SLC35F4: variants seen among roughly 807,000 people sequenced by gnomAD.
SLC35F4 encodes the protein solute carrier family 35 member F4.
Under a neutral mutation model 44.2 loss-of-function variants are expected in SLC35F4, and 24 were observed. The observed-to-expected ratio is 0.54, with a 90% CI of 0.39 to 0.76. SLC35F4 has a LOEUF of 0.76. Among genes scored for constraint, SLC35F4 ranks in the 30% least tolerant of loss-of-function variants. The probability of loss-of-function intolerance (pLI) is 0.00; values close to 1 mark genes in which losing one functional copy is unlikely to be tolerated. For synonymous variants in SLC35F4, 238 were observed against 223.6 expected (o/e 1.06, Z -0.57); for missense variants, 562 against 586.1 (o/e 0.96, Z 0.42).
intron 1 of SLC35F4, among the ~76,000 whole-genome samples, chr14:57,749,786 T>C (rs990154943): frequency 6.6e-6 from 1 of 152,132 alleles, no homozygotes; most frequent in African/African-American, 2.4e-5. Context: ...AATTATTTCA[T>C]AGAGAGTGGG....
chr14:57,868,821 C>A (rs1315965211), upstream of SLC35F4, among the ~76,000 whole-genome samples: 4 of 152,132 alleles, frequency 2.6e-5, no homozygotes, highest in African/African-American at 4.8e-5. Context: ...TACCAGTTTT[C>A]ACAAACCCAA....
At chr14:57,971,049 A>G (rs932996547) in intron 1 of SLC35F4, among the ~76,000 whole-genome samples, 2 of 152,212 alleles carry the variant, frequency 1.3e-5, no homozygotes, top group Non-Finnish European at 2.9e-5. Context: ...TGAGTTGCCA[A>G]ATTAATGGGT....
intron 1 of SLC35F4, among the ~76,000 whole-genome samples, chr14:57,761,210 A>G (rs1187587130): frequency 1.3e-5 from 2 of 152,126 alleles, no homozygotes; most frequent in Non-Finnish European, 2.9e-5. Context: ...ATTTTATCCA[A>G]TTTTTAATTG....
chr14:57,786,680 T>C (rs763616762), intron 1 of SLC35F4, among the ~76,000 whole-genome samples: 2 of 152,018 alleles, frequency 1.3e-5, no homozygotes, highest in Non-Finnish European at 2.9e-5. Context: ...ATCACTGCAG[T>C]TCAGCTCACA....
chr14:57,612,440 G>A (rs1036137018), intron 1 of SLC35F4, among the ~76,000 whole-genome samples: 24 of 152,172 alleles, frequency 1.6e-4, no homozygotes, highest in Admixed American at 1.3e-3. Flanking sequence ...CAAGCTTCAA[G>A]TCTCAGTTCA....
In SLC35F4 at chr14:57,846,833, T is replaced by C. The variant is rs1049501680; in HGVS notation, c.103+18890A>G. ...GTTTCAGAGAGTTAGTGAGAGTACA[T>C]ACCATAGGCCCCAGCCTAAACCCTC... On this transcript the variant is annotated intron_variant, in intron 1 of 7. Transcript: ENST00000556826. Among the ~76,000 whole-genome samples the C allele has an allele frequency of 5.3e-5, 8 of 152,112 alleles. 1 individual carries two copies. Among genetic ancestry groups the C allele is most frequent in the African/African-American group, 1.9e-4 (8 of 41,410 alleles).
intron 1 of SLC35F4, among the ~76,000 whole-genome samples, chr14:57,663,964 A>T (rs1172311608): frequency 6.6e-6 from 1 of 151,636 alleles, no homozygotes; most frequent in African/African-American, 2.4e-5. Flanking sequence ...AACATTTGGG[A>T]AATTTCAAAT....
chr14:57,742,751 CCA>C (rs1166305884), intron 1 of SLC35F4, among the ~76,000 whole-genome samples: 2 of 152,144 alleles, frequency 1.3e-5, no homozygotes, highest in African/African-American at 2.4e-5. Flanking sequence ...ACTCTCCACC[CCA>C]AATCAACAGA....
intron 1 of SLC35F4, among the ~76,000 whole-genome samples, chr14:57,961,396 GA>G: frequency 6.6e-6 from 1 of 152,152 alleles, no homozygotes; most frequent in East Asian, 1.9e-4. Flanking sequence ...ACGTCCTGAG[GA>G]GAGAGGAGAG....
In SLC35F4 at chr14:57,773,555, A is replaced by T. The variant is rs374664169; in HGVS notation, c.103+92168T>A. 3.3e-5 allele frequency among the ~76,000 whole-genome samples: 5 copies of T among 152,192 alleles called. No homozygotes were observed. The East Asian group carries it at 7.7e-4, about 23-fold the overall frequency. On this transcript the variant is annotated intron_variant, in intron 1 of 7. Coordinates refer to ENST00000556826, the MANE Select transcript of SLC35F4 (RefSeq NM_001306087.2). Reference sequence around the variant, plus strand: ...TATATTTTATTGGGAAAATTAGCCTACTATATTTGGCTACAACTTTTCCAG... The same window carrying T: ...TATATTTTATTGGGAAAATTAGCCTTCTATATTTGGCTACAACTTTTCCAG...
chr14:57,944,462 C>T (rs1306650678), intron 1 of SLC35F4, among the ~76,000 whole-genome samples: 1 of 152,096 alleles, frequency 6.6e-6, no homozygotes, highest in Non-Finnish European at 1.5e-5. Flanking sequence ...TTCCCACCCT[C>T]ACTGTTTACA....
At chr14:57,961,595 G>T (rs1485613769) in intron 1 of SLC35F4, among the ~76,000 whole-genome samples, 1 of 152,152 alleles carries the variant, frequency 6.6e-6, no homozygotes, top group Non-Finnish European at 1.5e-5. Flanking sequence ...AGTGCTCTTG[G>T]GTTAAAGTGC....
chr14:57,890,282 A>G (rs932307903), intron 1 of SLC35F4, among the ~76,000 whole-genome samples: 2 of 152,212 alleles, frequency 1.3e-5, no homozygotes, highest in Admixed American at 6.5e-5. Context: ...GGCCCAGCCA[A>G]TGCCTGCCAA....
intron 1 of SLC35F4, among the ~76,000 whole-genome samples, chr14:57,794,199 A>G (rs2077998450): frequency 6.6e-6 from 1 of 152,002 alleles, no homozygotes; most frequent in Non-Finnish European, 1.5e-5. Flanking sequence ...AAAAATAAGT[A>G]AGACCAAACT....
intron 3 of SLC35F4, among the ~76,000 whole-genome samples, chr14:57,586,449 G>GGCTT (rs1362041022): frequency 6.6e-6 from 1 of 151,978 alleles, no homozygotes; most frequent in Non-Finnish European, 1.5e-5. Flanking sequence ...CAGGCGTGGT[G>GGCTT]GCTTACACCT....
At chr14:57,714,834 G>A (rs1271802341) in intron 1 of SLC35F4, among the ~76,000 whole-genome samples, 1 of 152,212 alleles carries the variant, frequency 6.6e-6, no homozygotes, top group Non-Finnish European at 1.5e-5. Context: ...ACAGGTGGCT[G>A]AGCAGAAGGA....
intron 1 of SLC35F4, among the ~76,000 whole-genome samples, chr14:57,938,896 C>G (rs878086): frequency 0.098 from 14,904 of 152,136 alleles, 795 homozygotes; most frequent in Middle Eastern, 0.18. Context: ...ACATTCAAAA[C>G]TAGGATTTTT....
chr14:57,590,226 C>CA (rs55850524), intron 2 of SLC35F4, among the ~76,000 whole-genome samples: 82,276 of 119,012 alleles, frequency 0.69, 28,064 homozygotes, highest in Non-Finnish European at 0.77. Context: ...CTTGTCTATG[C>CA]AAAAAAAAAA....
intron 1 of SLC35F4, among the ~76,000 whole-genome samples, chr14:57,821,698 A>G (rs544281809): frequency 6.6e-6 from 1 of 152,358 alleles, no homozygotes; most frequent in South Asian, 2.1e-4. Flanking sequence ...ATTCTGGTCA[A>G]GTACAATGTT....
Sources: allele counts gnomAD v4.1 joint callset (sites outside exome capture counted in the v4.1 genomes callset), GRCh38; gene constraint gnomAD v4.1.1; transcripts MANE v1.5; gene names NCBI Gene and HGNC (gene_info 2026-07-23, HGNC 2026-07-21).